IL17RD: variants seen among roughly 807,000 people sequenced by gnomAD.
IL17RD encodes the protein interleukin-17 receptor D.
In IL17RD, 52 loss-of-function variants were observed where a neutral mutation model predicts 80.5. The observed-to-expected ratio is 0.65, with a 90% confidence interval of 0.52 to 0.81. IL17RD has a LOEUF of 0.81. Ranked by LOEUF, IL17RD falls within the 40% of genes least tolerant of loss-of-function variation. The probability of loss-of-function intolerance (pLI) is 0.00; values close to 1 mark genes in which losing one functional copy is unlikely to be tolerated. For missense variants in IL17RD, 1,024 were observed against 955.1 expected (o/e 1.07, Z -0.95); for synonymous variants, 416 against 391.8 (o/e 1.06, Z -0.73).
rs367893746 is a variant in IL17RD, at chr3:57,101,387, T to C, written c.980-24A>G. The C allele has an allele frequency of 6.1e-6, 9 of 1,470,104 alleles. No homozygotes were observed. In the African/African-American group the frequency reaches 8.5e-5, roughly 14 times the overall value. The allele number at this position is 1,470,104 out of a possible 1,614,324, so 91.1% of individuals were successfully genotyped here. ...TTCTAAATTGGAAAAGAAGATAAGG[T>C]TGATACTTGCAAGCAACGCTTTGTT... On this transcript the variant is annotated intron_variant, in intron 10 of 12. Transcript: ENST00000296318.
intron 1 of IL17RD, among the ~76,000 whole-genome samples, chr3:57,146,800 G>A (rs1293423060): frequency 6.9e-6 from 1 of 145,776 alleles, no homozygotes; most frequent in Non-Finnish European, 1.5e-5. Context: ...TCAATATTTC[G>A]TGTGTGTGTG....
intron 1 of IL17RD, among the ~76,000 whole-genome samples, chr3:57,148,089 G>GC: frequency 4.7e-5 from 1 of 21,470 alleles, no homozygotes; most frequent in East Asian, 2.6e-3. Context: ...GGCCAAGGTT[G>GC]GGGGGGGGGG....
At position 57,148,044 on chromosome 3, in the gene IL17RD, C is replaced by T. The variant is rs117713395; in HGVS notation, c.126+17117G>A. Among the ~76,000 whole-genome samples, 1,212 of 134,134 alleles carry T rather than the reference C, an allele frequency of 9.0e-3. 74 individuals carry two copies. In the East Asian group the frequency reaches 0.18, roughly 20 times the overall value. 88.0% of individuals were successfully genotyped at this position (134,134 alleles called of 152,430 possible). ...TATAAAAAATAAAGAATGTTGGGCA[C>T]GGTGGCTCACACCTGTAATCCCAGC... On this transcript the variant is annotated intron_variant, in intron 1 of 12. Coordinates refer to ENST00000296318, the MANE Select transcript of IL17RD (RefSeq NM_017563.5).
At chr3:57,160,311 AGAAAAAAAAAACATGTTTTAGGCCAAAT>A (rs2060295109) in intron 1 of IL17RD, among the ~76,000 whole-genome samples, 1 of 149,462 alleles carries the variant, frequency 6.7e-6, no homozygotes, top group South Asian at 2.1e-4. Flanking sequence ...GCTTTAAAAA[AGAAAAAAAAAACATGTTTTAGGCCAAAT>A]GAAGCATGAA....
In IL17RD at chr3:57,164,861, G is replaced by T. The variant is rs1029530856; in HGVS notation, c.126+300C>A. 1.0e-5 allele frequency: 12 copies of T among 1,150,248 alleles called. No individual in the cohort carries two copies. In the East Asian group the frequency reaches 6.5e-4, roughly 62 times the overall value. The allele number at this position is 1,150,248 out of a possible 1,614,324, so 71.3% of individuals were successfully genotyped here. A position where few individuals can be genotyped will look rare whatever the true frequency, so the allele number is the denominator to read the frequency against. Reference sequence around the variant, plus strand: ...CCGGGCCAAGAACAAAGGGTGGGGCGCCCGGCCCAGCCCCGCCGCCCCTCA... The same window carrying T: ...CCGGGCCAAGAACAAAGGGTGGGGCTCCCGGCCCAGCCCCGCCGCCCCTCA... On this transcript the variant is annotated intron_variant, in intron 1 of 12. Transcript: ENST00000296318.
chr3:57,132,603 G>T (rs910363794), intron 1 of IL17RD, among the ~76,000 whole-genome samples: 1 of 152,162 alleles, frequency 6.6e-6, no homozygotes, highest in Non-Finnish European at 1.5e-5. Flanking sequence ...TTACAACTCA[G>T]TAACTAAACA....
chr3:57,147,558 C>G (rs547219070), intron 1 of IL17RD, among the ~76,000 whole-genome samples: 2 of 152,146 alleles, frequency 1.3e-5, no homozygotes, highest in Non-Finnish European at 2.9e-5. Context: ...TAAACCAAAA[C>G]GGCAAGGGAG....
intron 1 of IL17RD, among the ~76,000 whole-genome samples, chr3:57,156,328 C>A (rs937183325): frequency 6.6e-6 from 1 of 152,212 alleles, no homozygotes; most frequent in Admixed American, 6.5e-5. Context: ...TGTCTGTAAA[C>A]CCAAGTGGGC....
At chr3:57,134,239 C>T in intron 1 of IL17RD, 1 of 692,904 alleles carries the variant, frequency 1.4e-6, no homozygotes, top group South Asian at 1.4e-5. Context: ...ATCGCCAATG[C>T]CAACTTCCAT....
At chr3:57,120,189 G>C in intron 2 of IL17RD, 67 bp downstream of exon 2, 1 of 1,269,046 alleles carries the variant, frequency 7.9e-7, no homozygotes, top group South Asian at 1.2e-5. Context: ...CCTTGATTAA[G>C]CATGGCTATG....
At position 57,114,727 on chromosome 3, in the gene IL17RD, A is replaced by C. The variant is rs572315698; in HGVS notation, c.275T>G (p.Val92Gly). 37 of 1,612,364 alleles carry C rather than the reference A, an allele frequency of 2.3e-5. No individual in the cohort carries two copies. Among genetic ancestry groups the C allele is most frequent in the Middle Eastern group, 1.7e-4 (1 of 6,054 alleles). ...TGGGGACCAAAGAATGGTGACTGCC[A>C]CTTGGTCATGGCAAGCATACTGGCT... ...TISQYACHDQ[V>G]AVTILWSPGA... is the part of the protein sequence containing the mutation. The change falls in exon 3 of 13, where the codon GTG becomes GGG. Residue 92 changes from valine to glycine, a missense_variant. Physicochemically the swap from Val to Gly is moderately radical, Grantham distance 109. Transcript: ENST00000296318.
At chr3:57,155,202 C>T (rs1357937937) in intron 1 of IL17RD, among the ~76,000 whole-genome samples, 1 of 152,234 alleles carries the variant, frequency 6.6e-6, no homozygotes, top group African/African-American at 2.4e-5. Context: ...GTTAAGAAGA[C>T]AAAGTTTCAT....
chr3:57,134,496 C>T, intron 1 of IL17RD: 1 of 1,127,276 alleles, frequency 8.9e-7, no homozygotes, highest in East Asian at 2.4e-5. Context: ...CCACACATAT[C>T]ACAGCCTGTA....
At chr3:57,165,083 C>T in intron 1 of IL17RD, 78 bp downstream of exon 1, 1 of 1,391,144 alleles carries the variant, frequency 7.2e-7, no homozygotes, top group Non-Finnish European at 9.3e-7. Flanking sequence ...GGCGCGGGCT[C>T]GCCTCCCCGC....
At chr3:57,140,827 C>G (rs183539443) in intron 1 of IL17RD, among the ~76,000 whole-genome samples, 69 of 152,030 alleles carry the variant, frequency 4.5e-4, no homozygotes, top group Non-Finnish European at 1.0e-4. Flanking sequence ...AACTATTACA[C>G]TGGTTCAATG....
intron 3 of IL17RD, among the ~76,000 whole-genome samples, chr3:57,110,981 C>G (rs1021755412): frequency 6.6e-6 from 1 of 152,224 alleles, no homozygotes; most frequent in African/African-American, 2.4e-5. Context: ...ACCAGCCCAG[C>G]CTCCTGCCAC....
In IL17RD at chr3:57,154,260, T is replaced by TA. The variant is rs1312503756; in HGVS notation, c.126+10900_126+10901insT. Among the ~76,000 whole-genome samples, 1,029 of 128,524 alleles carry TA rather than the reference T, an allele frequency of 8.0e-3. 15 individuals are homozygous for TA. The highest frequency in any genetic ancestry group is 0.03 in the African/African-American group (962 of 32,430). The allele number at this position is 128,524 out of a possible 152,430, so 84.3% of individuals were successfully genotyped here. On this transcript the variant is annotated intron_variant, in intron 1 of 12. Transcript: ENST00000296318. ...TGAGACCTTGTCTCAAAAAAAAAAA[T>TA]TATATATATATATATATATATATAC... is the stretch of plus-strand genomic sequence containing the variant.
At chr3:57,120,381 G>T in intron 1 of IL17RD, 68 bp from the exon 2 acceptor site, 1 of 1,113,938 alleles carries the variant, frequency 9.0e-7, no homozygotes, top group Non-Finnish European at 1.4e-6. Context: ...AAGCCCCATG[G>T]AGTCCAAATG....
At chr3:57,105,043 T>A (rs1706922472) in intron 7 of IL17RD, among the ~76,000 whole-genome samples, 1 of 152,182 alleles carries the variant, frequency 6.6e-6, no homozygotes, top group Non-Finnish European at 1.5e-5. Flanking sequence ...CACTGAGTTA[T>A]CAGTGGCTTG....
Sources: gnomAD v4.1 joint callset for allele counts (sites outside exome capture counted in the v4.1 genomes callset) on GRCh38, gnomAD v4.1.1 for gene constraint, MANE v1.5 for transcripts, NCBI Gene and HGNC (gene_info 2026-07-23, HGNC 2026-07-21) for gene names.